Variants in MYO5A observed in about 807,000 individuals in gnomAD.
The protein encoded by MYO5A is myosin VA, also known as unconventional myosin-Va.
A neutral mutation model predicts 249.7 loss-of-function variants in MYO5A; 98 were observed. That is an observed-to-expected ratio of 0.39 (90% CI 0.33 to 0.46). The LOEUF is 0.46. Among genes scored for constraint, MYO5A ranks in the 20% least tolerant of loss-of-function variants. The pLI is 0.98. For missense variants in MYO5A, 1,696 were observed against 2,308.8 expected, an observed-to-expected ratio of 0.73 and a Z score of 5.44; for synonymous variants, 778 against 810.6, an observed-to-expected ratio of 0.96 and a Z score of 0.68.
At chr15:52,469,923 T>C (rs765610569) in intron 1 of MYO5A, among the ~76,000 whole-genome samples, 1 of 152,240 alleles carries the variant, frequency 6.6e-6, no homozygotes, top group African/African-American at 2.4e-5. Context: ...CCAAGATTCA[T>C]AGCCCAAAAC....
At chr15:52,413,735 C>T (rs946688022) in intron 5 of MYO5A, among the ~76,000 whole-genome samples, 2 of 152,146 alleles carry the variant, frequency 1.3e-5, no homozygotes, top group Non-Finnish European at 2.9e-5. Flanking sequence ...AATTGAGATG[C>T]CCTTTTTTGT....
chr15:52,433,036 A>AT, intron 2 of MYO5A, 139 bp downstream of exon 2: 1 of 697,914 alleles, frequency 1.4e-6, no homozygotes, highest in Non-Finnish European at 2.6e-6. Flanking sequence ...TGAGTTTGCC[A>AT]TTTTTACCAA....
At chr15:52,408,261 T>A (rs1361237395) in intron 6 of MYO5A, 121 bp from the exon 7 acceptor site, 2 of 653,676 alleles carry the variant, frequency 3.1e-6, no homozygotes, top group Admixed American at 2.5e-5. Context: ...TACTTTCCTA[T>A]ATTTCCTAAT....
At chr15:52,372,555 A>G (rs528763021) in intron 20 of MYO5A, among the ~76,000 whole-genome samples, 192 bp from the exon 21 acceptor site, 1 of 152,350 alleles carries the variant, frequency 6.6e-6, no homozygotes, top group East Asian at 1.9e-4. Context: ...AGTGATTTGA[A>G]AAGTAGACTT....
chr15:52,517,226 A>G (rs1186209571), intron 1 of MYO5A, among the ~76,000 whole-genome samples: 4 of 152,238 alleles, frequency 2.6e-5, no homozygotes, highest in African/African-American at 4.8e-5. Context: ...TACAAATGCT[A>G]ATTCTTGCTA....
At chr15:52,433,308 T>C in intron 1 of MYO5A, 23 bp from the exon 2 acceptor site, 1 of 1,369,344 alleles carries the variant, frequency 7.3e-7, no homozygotes, top group Non-Finnish European at 1.0e-6. Context: ...AAGAAAAAAA[T>C]TTAAACTAGC....
In MYO5A at chr15:52,409,182, T is replaced by C. The variant is rs16964970; in HGVS notation, c.757-1042A>G. On this transcript the variant is annotated intron_variant, in intron 6 of 41. Transcript: ENST00000399233. ...AGGATTGGGCTTTACCATTTTGTAT[T>C]AAGCACTACTAGCCTTTGGTCACGT... 6.0e-3 allele frequency among the ~76,000 whole-genome samples: 906 copies of C among 152,188 alleles called. 8 individuals are homozygous for C. The highest frequency in any genetic ancestry group is 0.021 in the African/African-American group (865 of 41,510).
intron 1 of MYO5A, among the ~76,000 whole-genome samples, chr15:52,446,342 C>G (rs948316419): frequency 6.6e-6 from 1 of 152,244 alleles, no homozygotes; most frequent in Non-Finnish European, 1.5e-5. Context: ...AGCCATAAAG[C>G]TTAGCAGATT....
intron 24 of MYO5A, among the ~76,000 whole-genome samples, chr15:52,363,265 G>A (rs28661501): frequency 0.053 from 8,006 of 152,270 alleles, 605 homozygotes; most frequent in African/African-American, 0.17. Flanking sequence ...TACAGAATGT[G>A]AAGGAAGAAA....
intron 30 of MYO5A, among the ~76,000 whole-genome samples, chr15:52,345,003 C>A (rs2039548861): frequency 6.6e-6 from 1 of 152,100 alleles, no homozygotes; most frequent in Non-Finnish European, 1.5e-5. Flanking sequence ...TTAAGTATAA[C>A]CAAATACTTT....
At chr15:52,510,420 C>T (rs1475365063) in intron 1 of MYO5A, among the ~76,000 whole-genome samples, 1 of 152,174 alleles carries the variant, frequency 6.6e-6, no homozygotes, top group Non-Finnish European at 1.5e-5. Flanking sequence ...TTTTGGAAAT[C>T]TTTAACCTTA....
rs139047337 is a variant in MYO5A at position 52,421,002 on chromosome 15, A to C, written c.456-4701T>G. Among the ~76,000 whole-genome samples the C allele has an allele frequency of 3.5e-4, 54 of 152,332 alleles. 1 individual carries two copies. The East Asian group carries it at 0.01, about 29-fold the overall frequency. ...GATCTGCTCCAGGGATATAATGAGG[A>C]TTACATGCCTGGCACCATGTTTGGT... On this transcript the variant is annotated intron_variant, in intron 4 of 41. Transcript: ENST00000399233.
At chr15:52,517,154 A>T (rs1298733930) in intron 1 of MYO5A, among the ~76,000 whole-genome samples, 1 of 152,206 alleles carries the variant, frequency 6.6e-6, no homozygotes, top group Non-Finnish European at 1.5e-5. Context: ...TCCCTCAGGC[A>T]ATGCACATAA....
In MYO5A at chr15:52,425,869, A is replaced by G; in HGVS notation, c.416T>C (p.Ile139Thr). Residue 139 changes from isoleucine (I) to threonine (T), a missense_variant, in exon 4 of 42, where the codon ATC (isoleucine) becomes ACC (threonine). This residue lies in a region of MYO5A where 197 missense variants were observed against 320.3 expected (regional missense o/e 0.62). Coordinates refer to ENST00000399233, the MANE Select transcript of MYO5A (RefSeq NM_001382347.1). ...GTAAGCTTCTTCAGCTACTGCAAAG[A>G]TATGTGGATCCATATCACCCATGTT... ...GQNMGDMDPH[I>T]FAVAEEAYKQ... 1 of 1,614,134 alleles carries G rather than the reference A, an allele frequency of 6.2e-7. No homozygotes were observed. Among genetic ancestry groups the G allele is most frequent in the Non-Finnish European group, 8.5e-7 (1 of 1,180,006 alleles).
intron 25 of MYO5A, 100 bp downstream of exon 25, chr15:52,359,868 A>G: frequency 1.2e-6 from 1 of 808,672 alleles, no homozygotes; most frequent in Non-Finnish European, 2.1e-6. Context: ...AACAAATACT[A>G]TGTTTATGGC....
intron 1 of MYO5A, among the ~76,000 whole-genome samples, chr15:52,453,340 C>T (rs1049110690): frequency 3.9e-5 from 6 of 151,992 alleles, no homozygotes; most frequent in African/African-American, 1.5e-4. Flanking sequence ...ACAAAGCTAT[C>T]CTTCAAACAT....
At chr15:52,498,064 C>T (rs964356377) in intron 1 of MYO5A, among the ~76,000 whole-genome samples, 1 of 151,994 alleles carries the variant, frequency 6.6e-6, no homozygotes, top group East Asian at 1.9e-4. Flanking sequence ...GCAAATTAAA[C>T]TCAAAGAAAG....
At chr15:52,324,672 T>C (rs2038508173) in intron 36 of MYO5A, among the ~76,000 whole-genome samples, 1 of 152,210 alleles carries the variant, frequency 6.6e-6, no homozygotes, top group African/African-American at 2.4e-5. Flanking sequence ...TTTGGTTTCT[T>C]AGTAGCGGCT....
intron 4 of MYO5A, among the ~76,000 whole-genome samples, chr15:52,418,086 C>T (rs1028252481): frequency 3.3e-5 from 5 of 152,148 alleles, no homozygotes; most frequent in African/African-American, 1.2e-4. Context: ...AGGAAGGGTA[C>T]ATTCCAGGCA....
Sources: gnomAD v4.1 joint callset for allele counts (sites outside exome capture counted in the v4.1 genomes callset) on GRCh38, gnomAD v4.1.1 for gene constraint, gnomAD v4.1.1 regional missense constraint, MANE v1.5 for transcripts, NCBI Gene and HGNC (gene_info 2026-07-23, HGNC 2026-07-21) for gene names.